The following ZSWIM6 variants were observed in gnomAD, a reference collection of about 807,000 sequenced individuals.
ZSWIM6 encodes zinc finger SWIM-type containing 6.
Under a neutral mutation model 113.2 loss-of-function variants are expected in ZSWIM6, and 9 were observed. The ratio of observed to expected loss-of-function variants is 0.08; its 90% confidence interval spans 0.05 to 0.14. The LOEUF (loss-of-function observed/expected upper bound fraction) is 0.14, where lower values mean the gene tolerates loss of function less well. ZSWIM6 is among the 10% of genes least tolerant of loss of function. ZSWIM6 has a pLI of 1.00. For missense variants in ZSWIM6, 1,162 were observed against 1,552.2 expected (o/e 0.75, Z 4.22); for synonymous variants, 611 against 606.5 (o/e 1.01, Z -0.11).
At chr5:61,398,034 G>A (rs1323156925) in intron 1 of ZSWIM6, among the ~76,000 whole-genome samples, 2 of 152,110 alleles carry the variant, frequency 1.3e-5, no homozygotes, top group African/African-American at 4.8e-5. Flanking sequence ...TCAGAGAATG[G>A]GACTTCTTGC....
At chr5:61,370,083 A>G (rs1336506541) in intron 1 of ZSWIM6, among the ~76,000 whole-genome samples, 7 of 152,202 alleles carry the variant, frequency 4.6e-5, no homozygotes, top group African/African-American at 7.2e-5. Flanking sequence ...GATCATAACC[A>G]TTTTTTCTTT....
At chr5:61,518,108 G>A (rs916711776) in intron 4 of ZSWIM6, among the ~76,000 whole-genome samples, 1 of 151,932 alleles carries the variant, frequency 6.6e-6, no homozygotes, top group Non-Finnish European at 1.5e-5. Flanking sequence ...TCCCTACAAA[G>A]GACATGAACT....
At chr5:61,435,378 A>G (rs1260994595) in intron 1 of ZSWIM6, among the ~76,000 whole-genome samples, 2 of 152,236 alleles carry the variant, frequency 1.3e-5, no homozygotes, top group Non-Finnish European at 2.9e-5. Context: ...ACCAGATGGT[A>G]GTAATACTTT....
At chr5:61,490,614 T>G (rs1036165036) in intron 2 of ZSWIM6, among the ~76,000 whole-genome samples, 172 bp from the exon 3 acceptor site, 2 of 152,114 alleles carry the variant, frequency 1.3e-5, no homozygotes, top group Non-Finnish European at 2.9e-5. Context: ...TTAGCACAAA[T>G]CAGGAAAGTT....
chr5:61,465,399 G>GGTAT (rs1255140072), intron 1 of ZSWIM6, among the ~76,000 whole-genome samples: 1 of 150,810 alleles, frequency 6.6e-6, no homozygotes, highest in South Asian at 2.1e-4. Flanking sequence ...TTCAGGATTT[G>GGTAT]GTATGACGGA....
chr5:61,458,206 T>A (rs1747245943), intron 1 of ZSWIM6, among the ~76,000 whole-genome samples: 1 of 152,134 alleles, frequency 6.6e-6, no homozygotes, highest in Non-Finnish European at 1.5e-5. Flanking sequence ...TTAATTACAA[T>A]AAAATTCTTA....
intron 1 of ZSWIM6, among the ~76,000 whole-genome samples, chr5:61,353,047 G>A (rs1237170143): frequency 1.3e-5 from 2 of 151,954 alleles, no homozygotes; most frequent in Non-Finnish European, 2.9e-5. Flanking sequence ...GTGCATTCTT[G>A]CTTATGCTTG....
At chr5:61,458,234 T>C (rs1747246674) in intron 1 of ZSWIM6, among the ~76,000 whole-genome samples, 1 of 152,162 alleles carries the variant, frequency 6.6e-6, no homozygotes, top group Non-Finnish European at 1.5e-5. Flanking sequence ...TCCTCAAAAG[T>C]ATTTATTATA....
At chr5:61,492,039 T>C (rs1411138781) in intron 3 of ZSWIM6, among the ~76,000 whole-genome samples, 1 of 152,068 alleles carries the variant, frequency 6.6e-6, no homozygotes, top group Admixed American at 6.6e-5. Context: ...TTCAAACTCA[T>C]GTCATGCCTC....
At position 61,467,837 on chromosome 5, in the gene ZSWIM6, C is replaced by T. The variant is rs144424386; in HGVS notation, c.677-4844C>T. 4.3e-3 allele frequency among the ~76,000 whole-genome samples: 644 copies of T among 149,006 alleles called. 4 individuals carry two copies. The highest frequency in any genetic ancestry group is 0.022 in the South Asian group (101 of 4,624). ...GTTTTGCCATCAAATAGCAGTGATT[C>T]TTCTACTATTGTCTGACTCACTTAA... On this transcript the variant is annotated intron_variant, in intron 1 of 13. Coordinates refer to ENST00000252744, the MANE Select transcript of ZSWIM6 (RefSeq NM_020928.2).
Position 61,440,360 on chromosome 5 carries a change from T to TAA in ZSWIM6, c.677-32300_677-32299dup, listed in dbSNP as rs11356012. On this transcript the variant is annotated intron_variant, in intron 1 of 13. Coordinates refer to ENST00000252744, the MANE Select transcript of ZSWIM6 (RefSeq NM_020928.2). Reference sequence around the variant, plus strand: ...AGCCTCTTAGTGCTATTCATTGGTGTAAAAAAAAAAAAAAAAAAAAAAGAT... The same window carrying TAA: ...AGCCTCTTAGTGCTATTCATTGGTGTAAAAAAAAAAAAAAAAAAAAAAAAGAT... Among the ~76,000 whole-genome samples the TAA allele has an allele frequency of 2.4e-3, 275 of 113,030 alleles. 2 individuals are homozygous for TAA. Among genetic ancestry groups the TAA allele is most frequent in the African/African-American group, 7.1e-3 (213 of 29,858 alleles). The allele number at this position is 113,030 out of a possible 152,430, so 74.2% of individuals were successfully genotyped here. A position where few individuals can be genotyped will look rare whatever the true frequency, so the allele number is the denominator to read the frequency against.
chr5:61,373,811 CT>C (rs532786603), intron 1 of ZSWIM6, among the ~76,000 whole-genome samples: 4 of 151,800 alleles, frequency 2.6e-5, no homozygotes, highest in African/African-American at 9.7e-5. Context: ...CAACAGAGAA[CT>C]TTTTTTTGAT....
chr5:61,526,311 A>G lies in ZSWIM6; in HGVS notation c.1752A>G (p.Glu584=). ...DALRSHGYPR[E]ALRLAIAIVN... ...TACGTTCTCATGGGTACCCCAGAGA[A>G]GCACTGAGACTAGCAATAGCTATTG... The change falls in exon 7 of 14, where the codon GAA becomes GAG. Residue 584 remains glutamate (E), a synonymous_variant. Coordinates refer to ENST00000252744, the MANE Select transcript of ZSWIM6 (RefSeq NM_020928.2). The G allele has an allele frequency of 6.4e-7, 1 of 1,552,100 alleles. No individual in the cohort carries two copies. Among genetic ancestry groups the G allele is most frequent in the Non-Finnish European group, 8.7e-7 (1 of 1,147,054 alleles).
intron 4 of ZSWIM6, among the ~76,000 whole-genome samples, chr5:61,512,676 G>T (rs983844742): frequency 1.1e-4 from 17 of 151,942 alleles, no homozygotes; most frequent in South Asian, 6.2e-4. Flanking sequence ...ATTATAATAC[G>T]TATATAATGG....
intron 1 of ZSWIM6, among the ~76,000 whole-genome samples, chr5:61,393,851 GTCT>G (rs995530824): frequency 2.1e-4 from 32 of 152,078 alleles, no homozygotes; most frequent in African/African-American, 7.2e-4. Flanking sequence ...TAAATTTTTT[GTCT>G]TCTTCTTTAG....
chr5:61,363,895 T>G (rs1745084708), intron 1 of ZSWIM6, among the ~76,000 whole-genome samples: 1 of 147,214 alleles, frequency 6.8e-6, no homozygotes, highest in African/African-American at 2.5e-5. Context: ...CTTCCCTCCT[T>G]CCCTCCTTCC....
chr5:61,468,454 C>T (rs1561249791), intron 1 of ZSWIM6, among the ~76,000 whole-genome samples: 1 of 152,172 alleles, frequency 6.6e-6, no homozygotes, highest in Non-Finnish European at 1.5e-5. Flanking sequence ...TGTTTTAGTT[C>T]TACAGTTAAT....
intron 1 of ZSWIM6, among the ~76,000 whole-genome samples, chr5:61,400,310 C>T (rs1019195823): frequency 6.6e-6 from 1 of 152,144 alleles, no homozygotes; most frequent in Non-Finnish European, 1.5e-5. Context: ...TCTGTCTGCC[C>T]TCCCTCCCTC....
intron 4 of ZSWIM6, among the ~76,000 whole-genome samples, chr5:61,511,434 C>T (rs935464899): frequency 1.3e-5 from 2 of 152,050 alleles, no homozygotes; most frequent in African/African-American, 4.8e-5. Context: ...TTTTAGTTTT[C>T]TTATCGCTAT....
Sources: allele counts gnomAD v4.1 joint callset (sites outside exome capture counted in the v4.1 genomes callset), GRCh38; gene constraint gnomAD v4.1.1; transcripts MANE v1.5; gene names NCBI Gene and HGNC (gene_info 2026-07-23, HGNC 2026-07-21).